The following CHEK1 variants were observed in gnomAD, a reference collection of about 807,000 sequenced individuals.
CHEK1 encodes checkpoint kinase 1.
In CHEK1, 32 loss-of-function variants were observed where a neutral mutation model predicts 60.2. The observed-to-expected ratio is 0.53, with a 90% CI of 0.40 to 0.71. CHEK1 has a LOEUF of 0.71. Among genes scored for constraint, CHEK1 ranks in the 30% least tolerant of loss-of-function variants. CHEK1 has a pLI of 0.00. For missense variants in CHEK1, 399 were observed against 564.6 expected, an observed-to-expected ratio of 0.71 and a Z score of 2.97; for synonymous variants, 179 against 187.2, an observed-to-expected ratio of 0.96 and a Z score of 0.36.
intron 8 of CHEK1, among the ~76,000 whole-genome samples, chr11:125,641,882 A>G (rs1941317521): frequency 6.6e-6 from 1 of 152,154 alleles, no homozygotes; most frequent in African/African-American, 2.4e-5. Context: ...ATTAGAATAT[A>G]TCACTATTCT....
chr11:125,628,225 ATGCTGT>A (rs1852037343), intron 3 of CHEK1, among the ~76,000 whole-genome samples: 3 of 152,350 alleles, frequency 2.0e-5, no homozygotes, highest in Admixed American at 2.0e-4. Context: ...CTAAAATAGC[ATGCTGT>A]TTCCTCTTGG....
chr11:125,672,444 G>A, intron 13 of CHEK1: 1 of 862,820 alleles, frequency 1.2e-6, no homozygotes, highest in Non-Finnish European at 1.8e-6. Flanking sequence ...AATAGAAGAA[G>A]AAAGATAGGA....
intron 6 of CHEK1, among the ~76,000 whole-genome samples, chr11:125,634,791 G>A (rs1380041782): frequency 3.3e-5 from 5 of 152,012 alleles, no homozygotes; most frequent in Non-Finnish European, 5.9e-5. Flanking sequence ...GACTTTTGAG[G>A]GGGATACAAA....
chr11:125,660,247 A>G (rs1941987696), downstream of CHEK1, among the ~76,000 whole-genome samples: 1 of 152,220 alleles, frequency 6.6e-6, no homozygotes, highest in South Asian at 2.1e-4. Flanking sequence ...ATTGTTGGGT[A>G]CAGGCTTCTG....
chr11:125,663,686 A>C (rs368019482), intron 13 of CHEK1, among the ~76,000 whole-genome samples: 1 of 151,980 alleles, frequency 6.6e-6, no homozygotes, highest in East Asian at 1.9e-4. Context: ...TCATTTGTTA[A>C]TTTTTGTTTT....
Position 125,629,239 on chromosome 11 carries a change from C to T in CHEK1, c.297C>T (p.Asp99=). ...GGELFDRIEP[D]IGMPEPDAQR... ...CTTTCATATTTGTTTTAGAGCCAGA[C>T]ATAGGCATGCCTGAACCAGATGCTC... The change falls in exon 4 of 13, where the codon GAC becomes GAT. Residue 99 remains aspartate, a synonymous_variant. Coordinates refer to ENST00000438015, the MANE Select transcript of CHEK1 (RefSeq NM_001114122.3). 1 of 1,614,090 alleles carries T rather than the reference C, an allele frequency of 6.2e-7. No homozygotes were observed. The highest frequency in any genetic ancestry group is 2.2e-5 in the East Asian group (1 of 44,870).
chr11:125,625,919 G>A lies in CHEK1; in HGVS notation c.-114G>A, dbSNP rs779165764. ...CGCGCGCTGTCTTGCTTTACGGCGC[G>A]GGTGCGCGAGTTTGCGGCAGCGTGA... is the stretch of plus-strand genomic sequence containing the variant. On this transcript the variant is annotated 5_prime_UTR_variant, in exon 1 of 13. Coordinates refer to ENST00000438015, the MANE Select transcript of CHEK1 (RefSeq NM_001114122.3). 1.1e-5 allele frequency: 8 copies of A among 702,524 alleles called. No homozygotes were observed. The highest frequency in any genetic ancestry group is 2.0e-5 in the Admixed American group (1 of 50,006). 43.5% of individuals were successfully genotyped at this position (702,524 alleles called of 1,614,324 possible).
At chr11:125,633,086 G>C in intron 5 of CHEK1, 77 bp from the exon 6 acceptor site, 1 of 1,344,496 alleles carries the variant, frequency 7.4e-7, no homozygotes, top group East Asian at 2.7e-5. Flanking sequence ...TTTTTTTTCA[G>C]TAAAACTTAA....
At chr11:125,672,847 C>T in intron 13 of CHEK1, 1 of 1,147,456 alleles carries the variant, frequency 8.7e-7, no homozygotes. Context: ...TTCTCTTTCT[C>T]TTCTATTTGC....
chr11:125,633,075 AT>A (rs1000059945), intron 5 of CHEK1, 87 bp from the exon 6 acceptor site: 18 of 1,222,312 alleles, frequency 1.5e-5, no homozygotes, highest in Non-Finnish European at 1.8e-5. Context: ...AACACCAGTG[AT>A]TTTTTTTCAG....
At chr11:125,640,529 G>T (rs1287607932) in intron 8 of CHEK1, among the ~76,000 whole-genome samples, 1 of 145,984 alleles carries the variant, frequency 6.9e-6, no homozygotes, top group African/African-American at 2.5e-5. Flanking sequence ...GCAACAGCGA[G>T]ACTCCGTCTC....
At chr11:125,670,596 A>G (rs1942183969) in intron 13 of CHEK1, among the ~76,000 whole-genome samples, 1 of 152,086 alleles carries the variant, frequency 6.6e-6, no homozygotes, top group African/African-American at 2.4e-5. Context: ...TGACCAGACA[A>G]TAATTTGGTC....
chr11:125,678,858 G>A (rs1003677100), downstream of CHEK1, among the ~76,000 whole-genome samples: 4 of 151,076 alleles, frequency 2.6e-5, no homozygotes, highest in Admixed American at 6.6e-5. Context: ...GGATTAAGCC[G>A]CCTGTATTTG....
At position 125,644,135 on chromosome 11, in the gene CHEK1, C is replaced by G. The variant is rs764666835; in HGVS notation, c.968C>G (p.Thr323Arg). Residue 323 changes from threonine (T) to arginine (R), a missense_variant, in exon 10 of 13, where the codon ACA becomes AGA. Thr to Arg is a moderately conservative substitution (Grantham distance 71). Coordinates refer to ENST00000438015, the MANE Select transcript of CHEK1 (RefSeq NM_001114122.3). ...TCCAGTTCTCAGCCAGAACCCCGCA[C>G]AGGTCTTTCCTTATGGGATACCAGC... is the stretch of plus-strand genomic sequence containing the variant. Reference protein sequence around the residue: ...KYSSSQPEPRTGLSLWDTSPS... With the variant: ...KYSSSQPEPRRGLSLWDTSPS... The G allele has an allele frequency of 6.2e-7, 1 of 1,614,018 alleles. No individual in the cohort carries two copies. Among genetic ancestry groups the G allele is most frequent in the East Asian group, 2.2e-5 (1 of 44,862 alleles).
At chr11:125,673,953 G>T (rs927580262) in intron 13 of CHEK1, among the ~76,000 whole-genome samples, 21 of 152,152 alleles carry the variant, frequency 1.4e-4, no homozygotes, top group Non-Finnish European at 2.8e-4. Flanking sequence ...GAGGCCAGGA[G>T]TTCAAGACCA....
At chr11:125,681,086 C>A, downstream of CHEK1, 1 of 197,754 alleles carries the variant, frequency 5.1e-6, no homozygotes, top group Non-Finnish European at 1.0e-5. This position sits in a 1 kb window ranked among gnomAD's most constrained non-coding sequence, Gnocchi z 4.2. Flanking sequence ...AAAGTATTAC[C>A]AAAAAGCACA....
chr11:125,680,596 CT>C (rs1226906734), downstream of CHEK1: 6 of 767,160 alleles, frequency 7.8e-6, no homozygotes, highest in Non-Finnish European at 8.6e-6. Context: ...CCGAGTTGGA[CT>C]TGTTTAGCTG....
chr11:125,659,738 A>T (rs1469931266), downstream of CHEK1, among the ~76,000 whole-genome samples: 1 of 152,122 alleles, frequency 6.6e-6, no homozygotes, highest in African/African-American at 2.4e-5. Flanking sequence ...AAAGTGTTGT[A>T]CTCCCTTTAA....
In CHEK1 at chr11:125,669,522, C is replaced by CTT. The variant is rs67333022; in HGVS notation, c.*28-6388_*28-6387dup. On this transcript the variant is annotated intron_variant, in intron 13 of 13. Coordinates refer to the CHEK1 transcript ENST00000428830. Reference sequence around the variant, plus strand: ...ATATTTCTTTTTCTTTTCTTTTTTCCTTTTTTTTTTTTTTTTTTTGTGATG... The same window carrying CTT: ...ATATTTCTTTTTCTTTTCTTTTTTCCTTTTTTTTTTTTTTTTTTTTTGTGATG... 6.7e-3 allele frequency among the ~76,000 whole-genome samples: 765 copies of CTT among 114,674 alleles called. 15 individuals carry two copies. The highest frequency in any genetic ancestry group is 0.017 in the African/African-American group (509 of 30,318). 75.2% of individuals were successfully genotyped at this position (114,674 alleles called of 152,430 possible). A position where few individuals can be genotyped will look rare whatever the true frequency, so the allele number is the denominator to read the frequency against.
Sources: gnomAD v4.1 joint callset for allele counts (sites outside exome capture counted in the v4.1 genomes callset) on GRCh38, gnomAD v4.1.1 for gene constraint, Gnocchi (gnomAD v3.1) non-coding constraint, MANE v1.5 for transcripts, NCBI Gene and HGNC (gene_info 2026-07-23, HGNC 2026-07-21) for gene names.